Variants in EFHC2 observed in about 807,000 individuals in gnomAD.
EFHC2 encodes EF-hand domain-containing family member C2.
EFHC2 carries 18 observed loss-of-function variants against 52.7 expected under a neutral mutation model. The ratio of observed to expected loss-of-function variants is 0.34; its 90% confidence interval spans 0.24 to 0.51. The LOEUF is 0.51. Ranked by LOEUF, EFHC2 falls within the 20% of genes least tolerant of loss-of-function variation. The pLI is 0.97. For missense variants in EFHC2, 513 were observed against 562.5 expected (o/e 0.91, Z 0.89); for synonymous variants, 203 against 204.1 (o/e 0.99, Z 0.04).
At chrX:44,171,075 C>T (rs767974485) in intron 13 of EFHC2, among the ~76,000 whole-genome samples, 3 of 112,047 alleles carry the variant, frequency 2.7e-5, no homozygotes, top group Middle Eastern at 4.2e-3. Flanking sequence ...TTCTCCACTA[C>T]ACAAACTCAG....
At chrX:44,244,105 A>C (rs1413297326) in intron 7 of EFHC2, among the ~76,000 whole-genome samples, 1 of 112,326 alleles carries the variant, frequency 8.9e-6, no homozygotes, top group Non-Finnish European at 1.9e-5. Flanking sequence ...CTAGAATTAC[A>C]GGGCTTATAC....
intron 3 of EFHC2, among the ~76,000 whole-genome samples, chrX:44,265,340 T>C (rs2037568648): frequency 9.0e-6 from 1 of 111,313 alleles, no homozygotes; most frequent in Non-Finnish European, 1.9e-5. Flanking sequence ...GGCATGATCA[T>C]GGATCAATGC....
At chrX:44,228,468 G>A (rs981752343) in intron 11 of EFHC2, among the ~76,000 whole-genome samples, 1 of 112,164 alleles carries the variant, frequency 8.9e-6, no homozygotes, top group Non-Finnish European at 1.9e-5. Context: ...CCCATGGCCT[G>A]TGTAATTGTC....
chrX:44,151,060 C>T (rs181311651), intron 14 of EFHC2, among the ~76,000 whole-genome samples: 6 of 110,332 alleles, frequency 5.4e-5, no homozygotes, highest in Admixed American at 1.9e-4. Flanking sequence ...AACCAAGGAA[C>T]GCCAAAGATT....
At chrX:44,211,063 C>T (rs1016884073) in intron 11 of EFHC2, among the ~76,000 whole-genome samples, 9 of 111,918 alleles carry the variant, frequency 8.0e-5, no homozygotes, top group Non-Finnish European at 1.5e-4. Context: ...AGATGTTCAA[C>T]ATTATTAATC....
chrX:44,185,869 C>G (rs909319691), intron 11 of EFHC2, among the ~76,000 whole-genome samples: 5 of 111,655 alleles, frequency 4.5e-5, no homozygotes, highest in African/African-American at 1.6e-4. Context: ...TATTTACATA[C>G]TATAAATAAT....
intron 2 of EFHC2, among the ~76,000 whole-genome samples, chrX:44,275,125 A>G (rs12116166): frequency 0.027 from 3,070 of 111,697 alleles, 106 homozygotes; most frequent in African/African-American, 0.093. Flanking sequence ...GCATAGGTCA[A>G]TTGACAACTG....
At chrX:44,301,889 T>C (rs890247649) in intron 2 of EFHC2, among the ~76,000 whole-genome samples, 15 of 112,460 alleles carry the variant, frequency 1.3e-4, no homozygotes, top group Non-Finnish European at 1.9e-5. Flanking sequence ...ATTATGTAGA[T>C]ATACCATATT....
intron 4 of EFHC2, among the ~76,000 whole-genome samples, chrX:44,258,324 A>G (rs1230812873): frequency 9.0e-6 from 1 of 111,304 alleles, no homozygotes; most frequent in African/African-American, 3.3e-5. Flanking sequence ...CAGCAAAAGA[A>G]ACTATCATTA....
chrX:44,309,843 G>T, intron 2 of EFHC2: 4 of 1,177,683 alleles, frequency 3.4e-6, no homozygotes, highest in Non-Finnish European at 4.6e-6. Context: ...CCCCAATCCA[G>T]CGCAAGGCCC....
At chrX:44,178,079 C>T (rs1169704397) in intron 12 of EFHC2, among the ~76,000 whole-genome samples, 1 of 105,735 alleles carries the variant, frequency 9.5e-6, no homozygotes, top group Non-Finnish European at 1.9e-5. Flanking sequence ...TGCAGTGAGC[C>T]GAGGTTGCGC....
intron 1 of EFHC2, among the ~76,000 whole-genome samples, chrX:44,322,214 C>T (rs1307302409): frequency 8.9e-6 from 1 of 111,864 alleles, no homozygotes; most frequent in East Asian, 2.8e-4. Flanking sequence ...ATTCTATACC[C>T]ATAATTCCTG....
At chrX:44,189,388 C>T (rs780191014) in intron 11 of EFHC2, among the ~76,000 whole-genome samples, 1 of 111,769 alleles carries the variant, frequency 8.9e-6, no homozygotes, top group East Asian at 2.8e-4. Context: ...AGTGGTGGAG[C>T]CAAGAATTGA....
chrX:44,236,130 A>T (rs1386456314), intron 8 of EFHC2, among the ~76,000 whole-genome samples: 1 of 110,974 alleles, frequency 9.0e-6, no homozygotes, highest in Non-Finnish European at 1.9e-5. Flanking sequence ...TACTTTTTAC[A>T]TTGTAAGTAT....
intron 11 of EFHC2, among the ~76,000 whole-genome samples, chrX:44,221,143 G>C (rs4824814): frequency 0.46 from 51,013 of 110,433 alleles, 8,666 homozygotes; most frequent in African/African-American, 0.57. Flanking sequence ...CCATTTTTGT[G>C]TGTTGATTTT....
intron 1 of EFHC2, among the ~76,000 whole-genome samples, chrX:44,333,629 G>A (rs1431966676): frequency 9.0e-6 from 1 of 110,778 alleles, no homozygotes; most frequent in African/African-American, 3.3e-5. Context: ...CAGACTCACA[G>A]GTATTGTCTG....
At chrX:44,323,696 T>C (rs755861166) in intron 1 of EFHC2, among the ~76,000 whole-genome samples, 2 of 111,655 alleles carry the variant, frequency 1.8e-5, no homozygotes, top group South Asian at 7.6e-4. Flanking sequence ...TAAAGGAGGC[T>C]GAAGAGGTGG....
intron 1 of EFHC2, among the ~76,000 whole-genome samples, chrX:44,329,040 A>G (rs1354621812): frequency 9.0e-6 from 1 of 111,198 alleles, no homozygotes; most frequent in Non-Finnish European, 1.9e-5. Context: ...TTCTTTGTTC[A>G]CGATGCCAAG....
chrX:44,320,760 G>A (rs1602216450), intron 1 of EFHC2, among the ~76,000 whole-genome samples: 1 of 109,745 alleles, frequency 9.1e-6, no homozygotes, highest in Non-Finnish European at 1.9e-5. Context: ...CATGTTTCAC[G>A]AAACAGTAGT....
Sources: allele counts gnomAD v4.1 joint callset (sites outside exome capture counted in the v4.1 genomes callset), GRCh38; gene constraint gnomAD v4.1.1; transcripts MANE v1.5; gene names NCBI Gene and HGNC (gene_info 2026-07-23, HGNC 2026-07-21).